DDR2: variants seen among roughly 807,000 people sequenced by gnomAD.
The protein encoded by DDR2 is discoidin domain-containing receptor 2.
In DDR2, 27 loss-of-function variants were observed where a neutral mutation model predicts 94.9. The observed-to-expected ratio is 0.28, with a 90% CI of 0.21 to 0.39. The LOEUF (loss-of-function observed/expected upper bound fraction) is 0.39. Ranked by LOEUF, DDR2 falls within the 10% of genes least tolerant of loss-of-function variation. The pLI is 1.00. For missense variants in DDR2, 783 were observed against 1,076.0 expected, an observed-to-expected ratio of 0.73 and a Z score of 3.81; for synonymous variants, 382 against 377.2, an observed-to-expected ratio of 1.01 and a Z score of -0.15.
chr1:162,766,101 G>T (rs1199079571), intron 10 of DDR2, 38 bp downstream of exon 10: 1 of 1,604,782 alleles, frequency 6.2e-7, no homozygotes, highest in East Asian at 2.2e-5. Flanking sequence ...TAATTTGAAG[G>T]GACTTACTGG....
At chr1:162,666,967 T>C (rs1399025397) in intron 2 of DDR2, among the ~76,000 whole-genome samples, 2 of 150,732 alleles carry the variant, frequency 1.3e-5, no homozygotes, top group East Asian at 3.9e-4. Context: ...TATATATATA[T>C]ATATCTCCAT....
In DDR2 at chr1:162,782,230, T is replaced by C. The variant is rs1227055777; in HGVS notation, c.*1984T>C. ...TTTCTGCATTTTGTTTTCTTATTTA[T>C]AGGATGAGGAAATTAGATTAAATGG... On this transcript the variant is annotated 3_prime_UTR_variant, in exon 18 of 18. Transcript: ENST00000367921. 6.6e-6 allele frequency: 1 copy of C among 152,238 alleles called. No individual in the cohort carries two copies. The highest frequency in any genetic ancestry group is 1.5e-5 in the Non-Finnish European group (1 of 68,058). The allele number at this position is 152,238 out of a possible 1,614,324, so 9.4% of individuals were successfully genotyped here. A position where few individuals can be genotyped will look rare whatever the true frequency, so the allele number is the denominator to read the frequency against.
At chr1:162,697,617 G>A (rs2101988210) in intron 2 of DDR2, among the ~76,000 whole-genome samples, 1 of 152,320 alleles carries the variant, frequency 6.6e-6, no homozygotes. Context: ...GTACTAGGGA[G>A]AGTCAAAATA....
intron 3 of DDR2, among the ~76,000 whole-genome samples, chr1:162,719,809 G>A (rs547897167): frequency 2.6e-5 from 4 of 152,114 alleles, no homozygotes; most frequent in Admixed American, 6.5e-5. Context: ...GGACTTGTTT[G>A]GACTGTTCTC....
chr1:162,733,886 T>A (rs1662173302), intron 3 of DDR2, among the ~76,000 whole-genome samples: 1 of 152,212 alleles, frequency 6.6e-6, no homozygotes, highest in East Asian at 1.9e-4. Flanking sequence ...ATCACTTTAA[T>A]CCCATACCAC....
intron 2 of DDR2, among the ~76,000 whole-genome samples, chr1:162,684,905 A>G (rs746710159): frequency 2.0e-5 from 3 of 151,818 alleles, no homozygotes; most frequent in Non-Finnish European, 2.9e-5. Context: ...GATTCCTACC[A>G]TGAAAATCTG....
intron 2 of DDR2, among the ~76,000 whole-genome samples, chr1:162,713,758 T>C (rs1335598710): frequency 6.6e-6 from 1 of 152,204 alleles, no homozygotes; most frequent in Non-Finnish European, 1.5e-5. Context: ...TGGTAGACAT[T>C]TTTCTAAGTT....
rs758797032 is a variant in DDR2 at position 162,767,167 on chromosome 1, C to T, written c.1163-62C>T. ...CTACCTCCATGTTTCCAGTTCAGTC[C>T]CTCATACTTTTACTTGACCTGTGAG... On this transcript the variant is annotated intron_variant, in intron 10 of 17. Transcript: ENST00000367921. 1.1e-4 allele frequency: 181 copies of T among 1,612,264 alleles called. No homozygotes were observed. The Middle Eastern group carries it at 2.0e-3, about 18-fold the overall frequency.
intron 4 of DDR2, among the ~76,000 whole-genome samples, chr1:162,753,944 A>C (rs1037840316): frequency 1.1e-4 from 16 of 152,208 alleles, no homozygotes; most frequent in African/African-American, 3.9e-4. Flanking sequence ...TGGAATTGGA[A>C]GGGAGCAACA....
At chr1:162,697,260 G>T (rs1391862939) in intron 2 of DDR2, among the ~76,000 whole-genome samples, 1 of 151,994 alleles carries the variant, frequency 6.6e-6, no homozygotes, top group Non-Finnish European at 1.5e-5. Flanking sequence ...AATAAGGCTT[G>T]CCACTGCAGG....
intron 4 of DDR2, among the ~76,000 whole-genome samples, chr1:162,754,263 C>T (rs1663350022): frequency 6.6e-6 from 1 of 152,122 alleles, no homozygotes; most frequent in Admixed American, 6.5e-5. Flanking sequence ...CAAAGGGTGG[C>T]TAGCTTTGTT....
At chr1:162,778,505 C>T (rs2102205270) in intron 16 of DDR2, 75 bp from the exon 17 acceptor site, 1 of 1,582,022 alleles carries the variant, frequency 6.3e-7, no homozygotes, top group Non-Finnish European at 8.7e-7. Flanking sequence ...GGTATAGCTG[C>T]AGATTATGAA....
rs376470933 is a variant in DDR2, at chr1:162,749,142, A to C, written c.83-3953A>C. 1.8e-4 allele frequency among the ~76,000 whole-genome samples: 27 copies of C among 152,300 alleles called. No homozygotes were observed. The East Asian group carries it at 2.7e-3, about 15-fold the overall frequency. ...CATTCAAAAGCTAGCAGAAGGCAAG[A>C]AATAACTAAGATCAGAGCAGAACTG... On this transcript the variant is annotated intron_variant, in intron 3 of 17. Coordinates refer to ENST00000367921, the MANE Select transcript of DDR2 (RefSeq NM_006182.4).
rs138178601 is a variant in DDR2, at chr1:162,718,751, G to C, written c.-27-286G>C. The stretch of plus-strand genomic sequence containing the variant: ...TTACTTTACCATTATTCACCATTTG[G>C]GTAAGTATTTATCTTAGGAAAACTT... On this transcript the variant is annotated intron_variant, in intron 2 of 17. Coordinates refer to ENST00000367921, the MANE Select transcript of DDR2 (RefSeq NM_006182.4). Among the ~76,000 whole-genome samples the C allele has an allele frequency of 5.7e-4, 86 of 152,142 alleles. 1 individual carries two copies. The East Asian group carries it at 0.015, about 26-fold the overall frequency.
intron 2 of DDR2, among the ~76,000 whole-genome samples, chr1:162,695,675 T>C (rs1030369037): frequency 4.6e-5 from 7 of 152,212 alleles, no homozygotes; most frequent in Non-Finnish European, 1.0e-4. Context: ...GTCTTTCAAA[T>C]GGGCTTTTAA....
chr1:162,774,013 A>T (rs1438431062), intron 14 of DDR2, among the ~76,000 whole-genome samples: 1 of 151,514 alleles, frequency 6.6e-6, no homozygotes, highest in Non-Finnish European at 1.5e-5. Flanking sequence ...TCACATTTCT[A>T]TTTATTTTCT....
chr1:162,711,529 A>G (rs1660915622), intron 2 of DDR2, among the ~76,000 whole-genome samples: 1 of 152,228 alleles, frequency 6.6e-6, no homozygotes, highest in African/African-American at 2.4e-5. Flanking sequence ...TCAGACTTGG[A>G]GAAAAAAGAG....
intron 2 of DDR2, among the ~76,000 whole-genome samples, chr1:162,710,281 T>G (rs1370920771): frequency 6.6e-6 from 1 of 152,138 alleles, no homozygotes; most frequent in African/African-American, 2.4e-5. Context: ...TCATCCAGTG[T>G]GGGTCACCTC....
intron 2 of DDR2, among the ~76,000 whole-genome samples, chr1:162,662,044 C>A (rs966647142): frequency 1.3e-5 from 2 of 152,086 alleles, no homozygotes; most frequent in Admixed American, 1.3e-4. Context: ...AATTAGAGCC[C>A]CTTATGTTAA....
Sources: gnomAD v4.1 joint callset for allele counts (sites outside exome capture counted in the v4.1 genomes callset) on GRCh38, gnomAD v4.1.1 for gene constraint, MANE v1.5 for transcripts, NCBI Gene and HGNC (gene_info 2026-07-23, HGNC 2026-07-21) for gene names.